MYOF: variants seen among roughly 807,000 people sequenced by gnomAD.
MYOF encodes myoferlin.
A neutral mutation model predicts 284.2 loss-of-function variants in MYOF; 244 were observed. The observed-to-expected ratio is 0.86, with a 90% confidence interval of 0.77 to 0.95. The LOEUF is 0.95. Ranked by LOEUF, MYOF falls within the 40% of genes least tolerant of loss-of-function variation. MYOF has a pLI of 0.00. For missense variants in MYOF, 2,496 were observed against 2,560.6 expected, an observed-to-expected ratio of 0.97 and a Z score of 0.54; for synonymous variants, 904 against 919.7, an observed-to-expected ratio of 0.98 and a Z score of 0.31.
chr10:93,339,013 C>CTTT (rs59509598), intron 39 of MYOF, among the ~76,000 whole-genome samples: 7,211 of 131,252 alleles, frequency 0.055, 340 homozygotes, highest in Middle Eastern at 0.067. Context: ...AAGGCTACCA[C>CTTT]TTTTTTTTTT....
chr10:93,426,268 GA>G, intron 4 of MYOF, 110 bp from the exon 5 acceptor site: 1 of 1,044,708 alleles, frequency 9.6e-7, no homozygotes, highest in Non-Finnish European at 1.4e-6. Context: ...GGGTAAGAGA[GA>G]GGGAGTAGGT....
At chr10:93,323,578 C>CTGA (rs1343121484) in intron 46 of MYOF, 12 of 560,846 alleles carry the variant, frequency 2.1e-5, no homozygotes, top group Non-Finnish European at 3.1e-5. Flanking sequence ...TCAGGGGTCT[C>CTGA]TGACGGCTGC....
intron 7 of MYOF, among the ~76,000 whole-genome samples, chr10:93,405,861 G>T (rs954854038): frequency 2.3e-4 from 33 of 141,214 alleles, no homozygotes; most frequent in African/African-American, 8.3e-4. Flanking sequence ...GCAGTGGCAC[G>T]ATCTTGGCTC....
rs540802502 is a variant in MYOF, at chr10:93,448,217, C to T, written c.236+3833G>A. 2.0e-5 allele frequency among the ~76,000 whole-genome samples: 3 copies of T among 151,966 alleles called. No homozygotes were observed. The East Asian group carries it at 5.8e-4, about 30-fold the overall frequency. ...TTCTTCCCCCCTACTCCCTAACCCC[C>T]CAATGAACTGCATGGCTCAGTTCTT... is the stretch of plus-strand genomic sequence containing the variant. On this transcript the variant is annotated intron_variant, in intron 3 of 53. Transcript: ENST00000359263.
At chr10:93,431,094 T>C (rs1031250377) in intron 4 of MYOF, among the ~76,000 whole-genome samples, 5 of 150,072 alleles carry the variant, frequency 3.3e-5, no homozygotes, top group Non-Finnish European at 7.4e-5. Context: ...AATGGCATGA[T>C]CTCGGCTCAC....
At chr10:93,445,539 T>C (rs1045854568) in intron 3 of MYOF, among the ~76,000 whole-genome samples, 4 of 152,196 alleles carry the variant, frequency 2.6e-5, no homozygotes, top group Non-Finnish European at 5.9e-5. Context: ...CTCACCCTCA[T>C]TCCCTCTGAA....
In MYOF at chr10:93,372,983, C is replaced by G. The variant is rs771594194; in HGVS notation, c.2404G>C (p.Gly802Arg). 1 of 1,614,072 alleles carries G rather than the reference C, an allele frequency of 6.2e-7. No individual in the cohort carries two copies. The highest frequency in any genetic ancestry group is 8.5e-7 in the Non-Finnish European group (1 of 1,180,040). The change falls in exon 24 of 54, where the codon GGT becomes CGT. Residue 802 changes from glycine to arginine, a missense_variant. Around this residue, in one of 3 missense-constraint regions of MYOF, gnomAD observed 2,436 missense variants for 2,480.7 expected, o/e 0.98. Coordinates refer to ENST00000359263, the MANE Select transcript of MYOF (RefSeq NM_013451.4). ...PAHQVLYSTSGENASGKYCGK... is the reference protein window; with the variant it reads ...PAHQVLYSTSRENASGKYCGK... ...CAGTATTTTCCAGATGCATTCTCAC[C>G]ACTGGTGGAGTACAAGACCTGATGT...
chr10:93,398,232 G>A (rs149463922), intron 13 of MYOF, among the ~76,000 whole-genome samples: 240 of 152,032 alleles, frequency 1.6e-3, no homozygotes, highest in Middle Eastern at 0.01. Context: ...CCCTTCCATC[G>A]CCCTTCTCCC....
intron 48 of MYOF, among the ~76,000 whole-genome samples, chr10:93,322,046 A>ACT (rs1842864761): frequency 6.6e-6 from 1 of 152,184 alleles, no homozygotes; most frequent in Non-Finnish European, 1.5e-5. Flanking sequence ...AAATTTGCAT[A>ACT]TATATAATTA....
intron 25 of MYOF, among the ~76,000 whole-genome samples, chr10:93,368,105 C>T (rs1257910230): frequency 6.6e-6 from 1 of 152,092 alleles, no homozygotes; most frequent in African/African-American, 2.4e-5. Flanking sequence ...AGCTGGAGGG[C>T]AGGTAGATGC....
chr10:93,430,213 C>T (rs1848779752), intron 4 of MYOF, among the ~76,000 whole-genome samples: 1 of 151,368 alleles, frequency 6.6e-6, no homozygotes, highest in Non-Finnish European at 1.5e-5. Context: ...GGATTACAGG[C>T]GTGAGCCACC....
intron 43 of MYOF, among the ~76,000 whole-genome samples, chr10:93,331,553 GC>G (rs1843302066): frequency 6.6e-6 from 1 of 152,162 alleles, no homozygotes; most frequent in African/African-American, 2.4e-5. Context: ...CCTCACGGGA[GC>G]CCTCCTTCCT....
At chr10:93,375,602 A>T (rs1845802428) in intron 22 of MYOF, among the ~76,000 whole-genome samples, 1 of 152,216 alleles carries the variant, frequency 6.6e-6, no homozygotes, top group Non-Finnish European at 1.5e-5. Context: ...CAAATGTGGG[A>T]CATGCTTTTT....
chr10:93,405,794 A>ATTTT (rs3866906), intron 7 of MYOF, among the ~76,000 whole-genome samples: 8 of 113,796 alleles, frequency 7.0e-5, no homozygotes, highest in African/African-American at 1.8e-4. Flanking sequence ...ACAGGCTAGG[A>ATTTT]TTTTTTTTTT....
chr10:93,452,258 T>C (rs1208390335), intron 2 of MYOF, 117 bp from the exon 3 acceptor site: 2 of 747,404 alleles, frequency 2.7e-6, no homozygotes, highest in African/African-American at 3.6e-5. Context: ...AATGACAATC[T>C]TTTGAAGTTA....
chr10:93,353,805 C>T lies in MYOF; in HGVS notation c.3481+6G>A, dbSNP rs1480626470. 3.1e-6 allele frequency: 5 copies of T among 1,598,772 alleles called. No homozygotes were observed. Among genetic ancestry groups the T allele is most frequent in the Admixed American group, 1.7e-5 (1 of 57,988 alleles). On this transcript the variant is annotated splice_donor_region_variant and intron_variant, in intron 32 of 53. Coordinates refer to ENST00000359263, the MANE Select transcript of MYOF (RefSeq NM_013451.4). ...ATGTGTAGCATGTAGATTTTTTTTCCTTTACCTGAAAAGCTATCCTTATCT... is the reference window on the plus strand; with the variant it reads ...ATGTGTAGCATGTAGATTTTTTTTCTTTTACCTGAAAAGCTATCCTTATCT...
At chr10:93,335,780 T>C (rs1402030529) in intron 41 of MYOF, 141 bp downstream of exon 41, 2 of 1,056,024 alleles carry the variant, frequency 1.9e-6, no homozygotes, top group East Asian at 5.0e-5. Flanking sequence ...TTGTCCTTTA[T>C]CCTAGGCCTA....
At position 93,374,766 on chromosome 10, in the gene MYOF, T is replaced by G. The variant is rs1845757783; in HGVS notation, c.2298A>C (p.Glu766Asp). 4 of 1,613,476 alleles carry G rather than the reference T, an allele frequency of 2.5e-6. No homozygotes were observed. The South Asian group carries it at 4.4e-5, about 18-fold the overall frequency. The change falls in exon 23 of 54, where the codon GAA becomes GAC. Residue 766 changes from glutamate (E) to aspartate (D), a missense_variant. Physicochemically the swap from Glu to Asp is conservative, Grantham distance 45 (BLOSUM62 2). Coordinates refer to ENST00000359263, the MANE Select transcript of MYOF (RefSeq NM_013451.4). ...DWLDKLMQLT[E>D]EPQNSMPDII... ...TTGTGTAGTTTAAAAGTCCTACCTC[T>G]TCAGTCAGCTGCATTAATTTATCAA...
chr10:93,397,973 C>G (rs1349914857), intron 13 of MYOF, among the ~76,000 whole-genome samples: 1 of 152,276 alleles, frequency 6.6e-6, no homozygotes, highest in African/African-American at 2.4e-5. Flanking sequence ...ATGTTTCTCC[C>G]CAGGACACCT....
Sources: allele counts gnomAD v4.1 joint callset (sites outside exome capture counted in the v4.1 genomes callset), GRCh38; gene constraint gnomAD v4.1.1; regional missense constraint gnomAD v4.1.1; transcripts MANE v1.5; gene names NCBI Gene and HGNC (gene_info 2026-07-23, HGNC 2026-07-21).